The following KCNK13 variants were observed in gnomAD, a reference collection of about 807,000 sequenced individuals.
The protein encoded by KCNK13 is potassium channel subfamily K member 13.
A neutral mutation model predicts 23.4 loss-of-function variants in KCNK13; 12 were observed. The ratio of observed to expected loss-of-function variants is 0.51; its 90% CI spans 0.33 to 0.83. The LOEUF is 0.83. KCNK13 is among the 40% of genes least tolerant of loss of function. KCNK13 has a pLI of 0.02. For synonymous variants in KCNK13, 231 were observed against 229.5 expected (o/e 1.01, Z -0.06); for missense variants, 463 against 556.3 (o/e 0.83, Z 1.69).
chr14:90,170,176 T>C (rs577727370), intron 1 of KCNK13, among the ~76,000 whole-genome samples: 2 of 152,046 alleles, frequency 1.3e-5, no homozygotes, highest in Admixed American at 6.6e-5. Flanking sequence ...ACCCATATGA[T>C]TGTCAATCAA....
intron 1 of KCNK13, among the ~76,000 whole-genome samples, chr14:90,088,900 G>C (rs1889312239): frequency 6.6e-6 from 1 of 151,854 alleles, no homozygotes; most frequent in Non-Finnish European, 1.5e-5. Context: ...AGCTCTCTTT[G>C]CTTGCCACCA....
In KCNK13 at chr14:90,087,148, A is replaced by T. The variant is rs71426939; in HGVS notation, c.334+24609A>T. 3.4e-3 allele frequency among the ~76,000 whole-genome samples: 274 copies of T among 79,746 alleles called. 2 individuals carry two copies. The highest frequency in any genetic ancestry group is 5.3e-3 in the Non-Finnish European group (196 of 36,648). The allele number at this position is 79,746 out of a possible 152,430, so 52.3% of individuals were successfully genotyped here. A position where few individuals can be genotyped will look rare whatever the true frequency, so the allele number is the denominator to read the frequency against. ...TATATACATATATATATATATATAT[A>T]TATATATTTTTTTTTTTTATTGAGA... On this transcript the variant is annotated intron_variant, in intron 1 of 1. Coordinates refer to ENST00000282146, the MANE Select transcript of KCNK13 (RefSeq NM_022054.4).
chr14:90,158,236 C>T (rs927414019), intron 1 of KCNK13, among the ~76,000 whole-genome samples: 7 of 152,336 alleles, frequency 4.6e-5, no homozygotes, highest in Admixed American at 3.3e-4. Context: ...CAGGGCTGGC[C>T]TGGTGTTCCA....
intron 1 of KCNK13, among the ~76,000 whole-genome samples, chr14:90,065,606 G>A (rs1296484326): frequency 1.3e-5 from 2 of 152,246 alleles, no homozygotes; most frequent in East Asian, 3.8e-4. Flanking sequence ...TCTTGACCCA[G>A]ATATCCCATG....
intron 1 of KCNK13, among the ~76,000 whole-genome samples, chr14:90,103,842 C>T (rs1341589823): frequency 1.3e-5 from 2 of 152,122 alleles, no homozygotes; most frequent in African/African-American, 2.4e-5. Flanking sequence ...GGATTACAGG[C>T]GTGAGTCACT....
In KCNK13 at chr14:90,062,199, C is replaced by T; in HGVS notation, c.-7C>T. On this transcript the variant is annotated 5_prime_UTR_variant, in exon 1 of 2. Transcript: ENST00000282146. This position sits in a 1 kb window ranked among gnomAD's most constrained non-coding sequence, Gnocchi z 4.5. The stretch of plus-strand genomic sequence containing the variant: ...TGGGCCTGGGGGCTGCCCCCGGGGG[C>T]CCGGCCATGGCTGGCCGGGGTTTCA... 1 of 1,362,852 alleles carries T rather than the reference C, an allele frequency of 7.3e-7. No individual in the cohort carries two copies. The highest frequency in any genetic ancestry group is 9.4e-7 in the Non-Finnish European group (1 of 1,059,558). 84.4% of individuals were successfully genotyped at this position (1,362,852 alleles called of 1,614,324 possible). A position where few individuals can be genotyped will look rare whatever the true frequency, so the allele number is the denominator to read the frequency against.
chr14:90,107,915 G>C (rs1176208596), intron 1 of KCNK13: 2 of 755,212 alleles, frequency 2.6e-6, no homozygotes, highest in Admixed American at 3.5e-5. Context: ...AGATTGTATA[G>C]GCAGATGCAG....
At position 90,184,196 on chromosome 14, in the gene KCNK13, G is replaced by C. The variant is rs1483343340; in HGVS notation, c.420G>C (p.Leu140Phe). The change falls in exon 2 of 2, where the codon TTG (leucine) becomes TTC (phenylalanine). Residue 140 changes from leucine to phenylalanine, a missense_variant. Leu to Phe is a conservative substitution (Grantham distance 22). Transcript: ENST00000282146. The surrounding 1 kb of genome is among the most constrained non-coding windows in gnomAD (Gnocchi z 5.6). ...TTGTTGGGTGTTCCAGCACCATCTT[G>C]TTCTTCAACCTCTTCCTGGAGCGCC... ...YGLVGCSSTI[L>F]FFNLFLERLI... 6.2e-7 allele frequency: 1 copy of C among 1,614,172 alleles called. No individual in the cohort carries two copies. The highest frequency in any genetic ancestry group is 8.5e-7 in the Non-Finnish European group (1 of 1,180,034).
At chr14:90,110,447 T>A (rs925107631) in intron 1 of KCNK13, among the ~76,000 whole-genome samples, 2 of 149,092 alleles carry the variant, frequency 1.3e-5, no homozygotes, top group Non-Finnish European at 3.0e-5. Flanking sequence ...GCCACAGCAC[T>A]CCAGCCTGGG....
intron 1 of KCNK13, among the ~76,000 whole-genome samples, chr14:90,140,640 G>A (rs1406088237): frequency 6.6e-6 from 1 of 152,126 alleles, no homozygotes; most frequent in Non-Finnish European, 1.5e-5. Flanking sequence ...TTCCCTGTAA[G>A]ATCCTGCTGT....
intron 1 of KCNK13, among the ~76,000 whole-genome samples, chr14:90,101,810 A>AAAAAAAAAAAAAAAAAAC (rs1465117776): frequency 2.0e-5 from 3 of 149,318 alleles, no homozygotes; most frequent in African/African-American, 7.4e-5. Context: ...AAAAAAAAAA[A>AAAAAAAAAAAAAAAAAAC]AACCTCACAA....
At chr14:90,161,868 C>G (rs1197927671) in intron 1 of KCNK13, among the ~76,000 whole-genome samples, 1 of 151,926 alleles carries the variant, frequency 6.6e-6, no homozygotes, top group Non-Finnish European at 1.5e-5. Flanking sequence ...AGGGAAGAGC[C>G]CTCACAAGCA....
chr14:90,136,779 G>T (rs1889941660), intron 1 of KCNK13, among the ~76,000 whole-genome samples: 1 of 152,120 alleles, frequency 6.6e-6, no homozygotes, highest in Non-Finnish European at 1.5e-5. Flanking sequence ...GAAGGAAAGT[G>T]CTCCATTCCT....
chr14:90,106,434 G>C (rs1169331674), intron 1 of KCNK13, among the ~76,000 whole-genome samples: 2 of 151,830 alleles, frequency 1.3e-5, no homozygotes, highest in Admixed American at 1.3e-4. Context: ...AATTAGCCAG[G>C]CATGGTGGCT....
chr14:90,120,184 G>A (rs1014535527), intron 1 of KCNK13, among the ~76,000 whole-genome samples: 4 of 152,132 alleles, frequency 2.6e-5, no homozygotes, highest in African/African-American at 9.7e-5. Flanking sequence ...TTCTATTGCT[G>A]TGTTAGTTTG....
chr14:90,183,959 G>A (rs1890515405), intron 1 of KCNK13, 152 bp from the exon 2 acceptor site: 2 of 688,542 alleles, frequency 2.9e-6, no homozygotes, highest in South Asian at 3.9e-5. Flanking sequence ...TCAAAAGCAG[G>A]TGAGAATTCT....
At chr14:90,114,867 T>C (rs150599632) in intron 1 of KCNK13, among the ~76,000 whole-genome samples, 32 of 152,302 alleles carry the variant, frequency 2.1e-4, no homozygotes, top group African/African-American at 7.7e-4. Flanking sequence ...GCTCACCAGG[T>C]AGCAGCCTCG....
intron 1 of KCNK13, among the ~76,000 whole-genome samples, chr14:90,085,453 G>A (rs1454614585): frequency 1.3e-5 from 2 of 151,376 alleles, no homozygotes; most frequent in South Asian, 2.1e-4. Context: ...GAGGTCAGGA[G>A]TTTGAGGCCA....
At chr14:90,156,638 C>A (rs756272492) in intron 1 of KCNK13, among the ~76,000 whole-genome samples, 1 of 152,128 alleles carries the variant, frequency 6.6e-6, no homozygotes, top group Non-Finnish European at 1.5e-5. Context: ...CAAGGAGGAG[C>A]AGCAGGCACA....
Sources: allele counts gnomAD v4.1 joint callset (sites outside exome capture counted in the v4.1 genomes callset), GRCh38; gene constraint gnomAD v4.1.1; non-coding constraint Gnocchi (gnomAD v3.1); transcripts MANE v1.5; gene names NCBI Gene and HGNC (gene_info 2026-07-23, HGNC 2026-07-21).